The following TBCK variants were observed in gnomAD, a reference collection of about 807,000 sequenced individuals.
TBCK encodes TBC1 domain containing kinase.
A neutral mutation model predicts 113.4 loss-of-function variants in TBCK; 99 were observed. The ratio of observed to expected loss-of-function variants is 0.87; its 90% CI spans 0.74 to 1.03. The LOEUF is 1.03. TBCK is among the 50% of genes least tolerant of loss of function. TBCK has a pLI of 0.00. For synonymous variants in TBCK, 369 were observed against 370.8 expected (o/e 1.00, Z 0.05); for missense variants, 1,045 against 1,061.3 (o/e 0.98, Z 0.21).
At chr4:106,215,817 A>C (rs1163533447) in intron 19 of TBCK, among the ~76,000 whole-genome samples, 2 of 151,498 alleles carry the variant, frequency 1.3e-5, no homozygotes, top group East Asian at 3.9e-4. Context: ...CGAGACAGAA[A>C]GTCAACAAGG....
intron 24 of TBCK, among the ~76,000 whole-genome samples, chr4:106,114,644 C>T (rs1743280304): frequency 1.3e-5 from 2 of 152,118 alleles, no homozygotes; most frequent in African/African-American, 4.8e-5. Context: ...GTTGTTCGGC[C>T]AGGGTCTGCA....
chr4:106,161,932 A>G (rs1749849946), intron 23 of TBCK, among the ~76,000 whole-genome samples: 1 of 152,072 alleles, frequency 6.6e-6, no homozygotes, highest in Non-Finnish European at 1.5e-5. Context: ...ATGTCCTCAC[A>G]TTTCAAACCA....
chr4:106,153,090 C>A (rs1424932821), intron 23 of TBCK, among the ~76,000 whole-genome samples: 1 of 151,740 alleles, frequency 6.6e-6, no homozygotes, highest in Non-Finnish European at 1.5e-5. Context: ...TTTCCTTATT[C>A]TTTTCTTCTA....
chr4:106,265,810 A>G (rs936680388), intron 3 of TBCK, among the ~76,000 whole-genome samples: 8 of 151,754 alleles, frequency 5.3e-5, no homozygotes, highest in Admixed American at 3.9e-4. Context: ...TTTACCTCAA[A>G]TATTACCTCT....
intron 23 of TBCK, among the ~76,000 whole-genome samples, chr4:106,135,100 G>A (rs919997359): frequency 6.6e-6 from 1 of 152,106 alleles, no homozygotes; most frequent in African/African-American, 2.4e-5. Flanking sequence ...TGATGAACTA[G>A]CCTGTGCTGG....
rs1239559562 is a variant in TBCK at position 106,056,302 on chromosome 4, G to A, written c.2572-9622C>T. 4.3e-5 allele frequency among the ~76,000 whole-genome samples: 6 copies of A among 139,730 alleles called. No homozygotes were observed. In the South Asian group the frequency reaches 1.1e-3, roughly 26 times the overall value. 91.7% of individuals were successfully genotyped at this position (139,730 alleles called of 152,430 possible). A position where few individuals can be genotyped will look rare whatever the true frequency, so the allele number is the denominator to read the frequency against. On this transcript the variant is annotated intron_variant, in intron 25 of 25. Coordinates refer to ENST00000394708, the MANE Select transcript of TBCK (RefSeq NM_001163435.3). ...TTTTTTTTTGTAGAAACAAGGTCTC[G>A]CTTTGTTGCCCAGACTGGTATCGAA... is the stretch of plus-strand genomic sequence containing the variant.
At chr4:106,181,134 T>C (rs1752322914) in intron 22 of TBCK, among the ~76,000 whole-genome samples, 1 of 152,208 alleles carries the variant, frequency 6.6e-6, no homozygotes, top group Non-Finnish European at 1.5e-5. Flanking sequence ...ATGAGCATTT[T>C]TTCATATGTC....
intron 3 of TBCK, among the ~76,000 whole-genome samples, chr4:106,275,811 G>A (rs145822207): frequency 1.3e-5 from 2 of 152,036 alleles, no homozygotes; most frequent in South Asian, 2.1e-4. Context: ...TAATCTAGTG[G>A]AAGACTCAAT....
At chr4:106,187,406 G>A (rs1341863831) in intron 22 of TBCK, among the ~76,000 whole-genome samples, 1 of 146,606 alleles carries the variant, frequency 6.8e-6, no homozygotes, top group African/African-American at 2.5e-5. Context: ...TGTCATCTAT[G>A]ATTTTTTTTT....
At chr4:106,299,784 A>G (rs547372040) in intron 2 of TBCK, among the ~76,000 whole-genome samples, 1 of 152,368 alleles carries the variant, frequency 6.6e-6, no homozygotes, top group African/African-American at 2.4e-5. Flanking sequence ...AATATAAATC[A>G]TCAATGTAGT....
At chr4:106,161,552 A>C (rs1749792678) in intron 23 of TBCK, among the ~76,000 whole-genome samples, 1 of 152,158 alleles carries the variant, frequency 6.6e-6, no homozygotes, top group Non-Finnish European at 1.5e-5. Context: ...GACCCAGTCC[A>C]ATAATTGTAA....
At chr4:106,083,481 G>A (rs941812894) in intron 25 of TBCK, among the ~76,000 whole-genome samples, 1 of 152,216 alleles carries the variant, frequency 6.6e-6, no homozygotes, top group African/African-American at 2.4e-5. Flanking sequence ...CTCAGTCTCT[G>A]CAGACCAGCC....
At chr4:106,220,941 C>T (rs1206051188) in intron 19 of TBCK, among the ~76,000 whole-genome samples, 1 of 152,194 alleles carries the variant, frequency 6.6e-6, no homozygotes, top group Non-Finnish European at 1.5e-5. Flanking sequence ...TGAAAGCATA[C>T]AGTTATTAAC....
At chr4:106,151,241 T>TA (rs1471836506) in intron 23 of TBCK, among the ~76,000 whole-genome samples, 1 of 151,982 alleles carries the variant, frequency 6.6e-6, no homozygotes, top group Non-Finnish European at 1.5e-5. Context: ...AATGTACAAT[T>TA]ACATTACTTT....
chr4:106,225,199 C>T (rs1038420498), intron 19 of TBCK, among the ~76,000 whole-genome samples: 1 of 151,794 alleles, frequency 6.6e-6, no homozygotes, highest in Admixed American at 6.6e-5. Flanking sequence ...AAAATTTGGA[C>T]AAATGATTTA....
intron 5 of TBCK, 23 bp from the exon 6 acceptor site, chr4:106,252,030 T>C (rs1375028577): frequency 5.1e-6 from 8 of 1,566,540 alleles, no homozygotes; most frequent in Non-Finnish European, 6.9e-6. Flanking sequence ...ATTAAAATAA[T>C]GAAAAATTAC....
At chr4:106,192,440 C>G (rs901515317) in intron 22 of TBCK, among the ~76,000 whole-genome samples, 37 of 151,458 alleles carry the variant, frequency 2.4e-4, no homozygotes, top group African/African-American at 9.0e-4. Flanking sequence ...TATTACTGTT[C>G]AAAACAAAAA....
intron 23 of TBCK, among the ~76,000 whole-genome samples, chr4:106,167,045 A>G (rs1750449593): frequency 6.6e-6 from 1 of 150,436 alleles, no homozygotes; most frequent in Non-Finnish European, 1.5e-5. Flanking sequence ...AATTGGAAAC[A>G]TAATAACTTG....
intron 25 of TBCK, among the ~76,000 whole-genome samples, chr4:106,071,342 C>T (rs1002630825): frequency 6.6e-6 from 1 of 152,148 alleles, no homozygotes; most frequent in African/African-American, 2.4e-5. Context: ...TTTCTGCCTT[C>T]ATTTCATTAT....
Sources: gnomAD v4.1 joint callset for allele counts (sites outside exome capture counted in the v4.1 genomes callset) on GRCh38, gnomAD v4.1.1 for gene constraint, MANE v1.5 for transcripts, NCBI Gene and HGNC (gene_info 2026-07-23, HGNC 2026-07-21) for gene names.